Variants in KANSL1 observed in about 807,000 individuals in gnomAD.
KANSL1 encodes the protein MLL1/MLL complex subunit KANSL1.
A neutral mutation model predicts 103.6 loss-of-function variants in KANSL1; 22 were observed. That is an observed-to-expected ratio of 0.21 (90% CI 0.15 to 0.30). The LOEUF is 0.30. KANSL1 is among the 10% of genes least tolerant of loss of function. The probability of loss-of-function intolerance (pLI) is 1.00; values close to 1 mark genes in which losing one functional copy is unlikely to be tolerated. For synonymous variants in KANSL1, 600 were observed against 527.6 expected (o/e 1.14, Z -1.88); for missense variants, 1,337 against 1,399.8 (o/e 0.96, Z 0.72).
At chr17:46,081,592 TC>T (rs1251421691) in intron 4 of KANSL1, among the ~76,000 whole-genome samples, 1 of 152,224 alleles carries the variant, frequency 6.6e-6, no homozygotes, top group African/African-American at 2.4e-5. Context: ...ATCTCCAATA[TC>T]TGCCTCAGAG....
At position 46,039,829 on chromosome 17, in the gene KANSL1, C is replaced by T. The variant is rs1341416574; in HGVS notation, c.2076G>A (p.Lys692=). The stretch of plus-strand genomic sequence containing the variant: ...TGGGAGGTTTGATTTTGTCAAAAGG[C>T]TTGTTCTGCCACTGAGATTTCAGCA... ...QSMLKSQWQN[K]PFDKIKPPKK... is the part of the protein sequence containing the mutation. The change falls in exon 8 of 15, where the codon AAG becomes AAA. Residue 692 remains lysine, a synonymous_variant. Transcript: ENST00000432791. The T allele has an allele frequency of 1.2e-6, 2 of 1,614,084 alleles. No homozygotes were observed. Among genetic ancestry groups the T allele is most frequent in the African/African-American group, 2.7e-5 (2 of 74,918 alleles).
At chr17:46,058,595 T>C (rs2078013023) in intron 6 of KANSL1, among the ~76,000 whole-genome samples, 1 of 152,072 alleles carries the variant, frequency 6.6e-6, no homozygotes, top group African/African-American at 2.4e-5. Flanking sequence ...TAAAAGAAAG[T>C]AGGCTGTGGG....
At chr17:46,094,817 C>G in intron 2 of KANSL1, 116 bp from the exon 3 acceptor site, 1 of 1,202,632 alleles carries the variant, frequency 8.3e-7, no homozygotes, top group Non-Finnish European at 1.2e-6. Context: ...ACTCTAGTGT[C>G]AAGAAAAACC....
At chr17:46,187,219 C>T (rs1400666382) in intron 1 of KANSL1, among the ~76,000 whole-genome samples, 3 of 152,200 alleles carry the variant, frequency 2.0e-5, no homozygotes, top group South Asian at 2.1e-4. Context: ...GGTTTAACAT[C>T]CTAACAACAA....
intron 1 of KANSL1, among the ~76,000 whole-genome samples, chr17:46,181,473 A>G (rs2046789493): frequency 6.6e-6 from 1 of 151,522 alleles, no homozygotes; most frequent in Non-Finnish European, 1.5e-5. Context: ...CTTGTCCCCC[A>G]GGCTGGAGTG....
intron 1 of KANSL1, among the ~76,000 whole-genome samples, chr17:46,217,428 A>G (rs1317443985): frequency 6.6e-6 from 1 of 152,002 alleles, no homozygotes; most frequent in Non-Finnish European, 1.5e-5. Flanking sequence ...GTAAGCTGAG[A>G]TCACCCCACT....
chr17:46,148,947 A>C (rs370937821), intron 2 of KANSL1, among the ~76,000 whole-genome samples: 6 of 150,436 alleles, frequency 4.0e-5, no homozygotes, highest in African/African-American at 1.5e-4. Flanking sequence ...TCCTAACCTA[A>C]TCAAGTTACC....
chr17:46,148,376 A>G (rs934847123), intron 2 of KANSL1: 8 of 152,254 alleles, frequency 5.3e-5, no homozygotes, highest in South Asian at 4.1e-4. Context: ...GTTCACATAT[A>G]TAACTATCAC....
intron 2 of KANSL1, among the ~76,000 whole-genome samples, chr17:46,165,840 A>G (rs1374159253): frequency 6.6e-6 from 1 of 152,168 alleles, no homozygotes; most frequent in Non-Finnish European, 1.5e-5. Context: ...ATTCCAAAGT[A>G]TCTAAAAAGC....
intron 2 of KANSL1, among the ~76,000 whole-genome samples, chr17:46,142,233 T>C (rs2147377561): frequency 6.6e-6 from 1 of 152,340 alleles, no homozygotes. Flanking sequence ...CAGACAAAAA[T>C]TTAAACAATT....
intron 4 of KANSL1, among the ~76,000 whole-genome samples, chr17:46,071,863 A>T (rs1417199564): frequency 6.6e-6 from 1 of 152,210 alleles, no homozygotes; most frequent in Non-Finnish European, 1.5e-5. Context: ...GAAAAGCTAA[A>T]GTGGTAGACA....
At chr17:46,219,869 C>T (rs1351060278) in intron 1 of KANSL1, among the ~76,000 whole-genome samples, 3 of 152,276 alleles carry the variant, frequency 2.0e-5, no homozygotes, top group South Asian at 2.1e-4. Context: ...TTTGGGAGGC[C>T]GAGTTGGGCG....
intron 7 of KANSL1, chr17:46,040,751 G>T (rs918726890): frequency 6.6e-6 from 1 of 152,198 alleles, no homozygotes; most frequent in African/African-American, 2.4e-5. Flanking sequence ...ACTTCCATGT[G>T]TTCCACCACC....
chr17:46,158,975 C>T (rs971654884), intron 2 of KANSL1, among the ~76,000 whole-genome samples: 3 of 152,226 alleles, frequency 2.0e-5, no homozygotes, highest in Admixed American at 6.5e-5. Flanking sequence ...CAGAACCTTA[C>T]GCTCAGATTT....
At chr17:46,199,791 G>A (rs2047733168) in intron 1 of KANSL1, among the ~76,000 whole-genome samples, 1 of 152,082 alleles carries the variant, frequency 6.6e-6, no homozygotes. Flanking sequence ...GTACTAGTAA[G>A]TCTAGAAATA....
chr17:46,032,923 A>G (rs2077049574), intron 13 of KANSL1, 157 bp downstream of exon 13: 2 of 620,094 alleles, frequency 3.2e-6, no homozygotes, highest in South Asian at 4.0e-5. Flanking sequence ...ACTAGTTCCA[A>G]CAAACACCAA....
Position 46,034,108 on chromosome 17 carries a change from A to G in KANSL1, c.2666+53T>C. 2.5e-6 allele frequency: 4 copies of G among 1,603,396 alleles called. No individual in the cohort carries two copies. The South Asian group carries it at 4.5e-5, about 18-fold the overall frequency. On this transcript the variant is annotated intron_variant, in intron 11 of 14. Coordinates refer to ENST00000432791, the MANE Select transcript of KANSL1 (RefSeq NM_015443.4). ...TCTTGGTCAGAAGAGAAGAGGGAAA[A>G]AGGGCAATAGCAGGAAGAATGGGGA...
chr17:46,207,861 A>G (rs2048024394), intron 1 of KANSL1, among the ~76,000 whole-genome samples: 1 of 152,236 alleles, frequency 6.6e-6, no homozygotes, highest in South Asian at 2.1e-4. Context: ...CTTTAATCCC[A>G]GCACTTTGGG....
At chr17:46,037,417 A>T (rs1306899690) in intron 10 of KANSL1, 1 of 152,256 alleles carries the variant, frequency 6.6e-6, no homozygotes, top group Non-Finnish European at 1.5e-5. Flanking sequence ...GTGAATTCCT[A>T]CCTGATCACA....
Sources: allele counts gnomAD v4.1 joint callset (sites outside exome capture counted in the v4.1 genomes callset), GRCh38; gene constraint gnomAD v4.1.1; transcripts MANE v1.5; gene names NCBI Gene and HGNC (gene_info 2026-07-23, HGNC 2026-07-21).